The following ZNF536 variants were observed in gnomAD, a reference collection of about 807,000 sequenced individuals.
The protein encoded by ZNF536 is zinc finger protein 536.
A neutral mutation model predicts 84.5 loss-of-function variants in ZNF536; 13 were observed. That is an observed-to-expected ratio of 0.15 (90% CI 0.10 to 0.24). The LOEUF is 0.24. ZNF536 is among the 10% of genes least tolerant of loss of function. The pLI, the probability that ZNF536 is intolerant of heterozygous loss-of-function variation, is 1.00. For synonymous variants in ZNF536, 811 were observed against 742.5 expected (o/e 1.09, Z -1.50); for missense variants, 1,536 against 1,747.5 (o/e 0.88, Z 2.16).
At chr19:30,533,951 C>T (rs1371140090) in intron 2 of ZNF536, among the ~76,000 whole-genome samples, 2 of 152,222 alleles carry the variant, frequency 1.3e-5, no homozygotes, top group African/African-American at 2.4e-5. Context: ...TGTCAGGCCT[C>T]GGGGGCTGCA....
chr19:30,649,408 C>T (rs2049610936), intron 1 of ZNF536, among the ~76,000 whole-genome samples: 1 of 152,122 alleles, frequency 6.6e-6, no homozygotes, highest in Non-Finnish European at 1.5e-5. Context: ...TATGTGTAAA[C>T]TGATACGCTT....
chr19:30,322,243 A>G (rs2046881575), intron 2 of ZNF536, among the ~76,000 whole-genome samples: 1 of 152,234 alleles, frequency 6.6e-6, no homozygotes, highest in East Asian at 1.9e-4. Context: ...TAGATGTGCC[A>G]TAATTTATAT....
chr19:30,480,145 C>T (rs751972195), intron 2 of ZNF536, among the ~76,000 whole-genome samples: 5 of 152,198 alleles, frequency 3.3e-5, no homozygotes, highest in African/African-American at 4.8e-5. Context: ...CAAGCTCTCC[C>T]GGTTCCATGG....
chr19:30,328,930 T>C lies in ZNF536; in HGVS notation c.-119-23438T>C, dbSNP rs527773935. 3.3e-5 allele frequency among the ~76,000 whole-genome samples: 5 copies of C among 152,266 alleles called. No individual in the cohort carries two copies. In the East Asian group the frequency reaches 9.7e-4, roughly 29 times the overall value. ...TCTCTCACTTTTCTACTCCTCCCTT[T>C]CCCCCTGCAACAATAGAATTTTGCG... On this transcript the variant is annotated intron_variant, in intron 2 of 5. Coordinates refer to the ZNF536 transcript ENST00000585628.
intron 1 of ZNF536, among the ~76,000 whole-genome samples, chr19:30,680,858 C>T (rs1014104898): frequency 2.6e-5 from 4 of 152,144 alleles, no homozygotes; most frequent in Non-Finnish European, 4.4e-5. Flanking sequence ...AACTAGTTTA[C>T]AGTCCCACCA....
intron 1 of ZNF536, among the ~76,000 whole-genome samples, chr19:30,608,978 G>T (rs982841562): frequency 5.9e-5 from 9 of 152,174 alleles, no homozygotes; most frequent in African/African-American, 1.9e-4. Flanking sequence ...AGAAGTCCAG[G>T]TGACAAAAGG....
intron 1 of ZNF536, among the ~76,000 whole-genome samples, chr19:30,405,280 A>G (rs1189707683): frequency 2.0e-5 from 3 of 152,224 alleles, no homozygotes; most frequent in African/African-American, 7.2e-5. Flanking sequence ...AGGTGAAAGG[A>G]GGTCAGAAAA....
In ZNF536 at chr19:30,549,116, C is replaced by T. The variant is rs2045674265; in HGVS notation, c.3497C>T (p.Ser1166Phe). 1 of 1,613,998 alleles carries T rather than the reference C, an allele frequency of 6.2e-7. No individual in the cohort carries two copies. Among genetic ancestry groups the T allele is most frequent in the African/African-American group, 1.3e-5 (1 of 74,914 alleles). The change falls in exon 4 of 5, where the codon TCC becomes TTC. Residue 1166 changes from serine to phenylalanine, a missense_variant. Ser to Phe is a radical substitution (Grantham distance 155). Coordinates refer to ENST00000355537, the MANE Select transcript of ZNF536 (RefSeq NM_014717.3). ...NTTDDLSDIA[S>F]SEDMDSSKGE... ...ACTGATGACCTCTCTGACATTGCCT[C>T]CTCAGAGGACATGGACTCCTCCAAG...
intron 1 of ZNF536, among the ~76,000 whole-genome samples, chr19:30,682,156 G>A (rs1224081195): frequency 1.3e-5 from 2 of 152,050 alleles, no homozygotes; most frequent in African/African-American, 2.4e-5. Context: ...CCAAACCAAG[G>A]AGCTCACTGG....
At chr19:30,271,458 C>T (rs73023636) in intron 1 of ZNF536, among the ~76,000 whole-genome samples, 1 of 152,150 alleles carries the variant, frequency 6.6e-6, no homozygotes, top group Non-Finnish European at 1.5e-5. Context: ...TTTCTCATCC[C>T]TTCTCCAGAA....
intron 2 of ZNF536, among the ~76,000 whole-genome samples, chr19:30,315,192 A>G (rs1453670572): frequency 6.6e-6 from 1 of 152,230 alleles, no homozygotes; most frequent in Non-Finnish European, 1.5e-5. Context: ...CTCAACAAAT[A>G]TGCATTGATG....
intron 1 of ZNF536, among the ~76,000 whole-genome samples, chr19:30,629,358 C>T (rs1198657203): frequency 6.6e-6 from 1 of 152,054 alleles, no homozygotes; most frequent in Non-Finnish European, 1.5e-5. Context: ...TATCACCGTG[C>T]CTTTCCAATT....
Position 30,646,686 on chromosome 19 carries a change from G to A in ZNF536, c.170-64071G>A, listed in dbSNP as rs369014906. On this transcript the variant is annotated intron_variant, in intron 1 of 1. Transcript: ENST00000592773. ...AATTAGTGGCTCTGCCCCCCTTTTG[G>A]TCGCAGTCTCGTAGTATTTGAGGGA... Among the ~76,000 whole-genome samples, 60 of 152,200 alleles carry A rather than the reference G, an allele frequency of 3.9e-4. No individual in the cohort carries two copies. In the South Asian group the frequency reaches 0.012, roughly 31 times the overall value.
chr19:30,457,057 CA>C (rs915135987), intron 2 of ZNF536, among the ~76,000 whole-genome samples: 28 of 131,578 alleles, frequency 2.1e-4, no homozygotes, highest in Non-Finnish European at 4.2e-4. Context: ...AAAAAAAAAA[CA>C]AAAAAAAAGA....
chr19:30,405,433 A>C (rs1213893484), intron 1 of ZNF536, among the ~76,000 whole-genome samples: 1 of 152,136 alleles, frequency 6.6e-6, no homozygotes, highest in African/African-American at 2.4e-5. Context: ...TACTTCCTGA[A>C]CTTGGGGTCT....
chr19:30,573,711 G>A (rs775190185), intron 1 of ZNF536, among the ~76,000 whole-genome samples: 17 of 152,172 alleles, frequency 1.1e-4, no homozygotes, highest in Non-Finnish European at 2.4e-4. Context: ...GAGCTCGTCA[G>A]GACTTTTGAT....
intron 2 of ZNF536, among the ~76,000 whole-genome samples, chr19:30,490,387 G>A (rs2054461611): frequency 6.6e-6 from 1 of 152,144 alleles, no homozygotes; most frequent in African/African-American, 2.4e-5. Flanking sequence ...TTCATCTCCA[G>A]GAGGGGGTTG....
intron 1 of ZNF536, among the ~76,000 whole-genome samples, chr19:30,699,914 C>A (rs1283911749): frequency 6.6e-6 from 1 of 152,210 alleles, no homozygotes; most frequent in Non-Finnish European, 1.5e-5. Flanking sequence ...CCAGTGGATT[C>A]CCCCCAGGCC....
intron 2 of ZNF536, among the ~76,000 whole-genome samples, chr19:30,504,478 C>G (rs867586462): frequency 1.9e-4 from 27 of 140,386 alleles, no homozygotes; most frequent in Admixed American, 2.8e-4. Context: ...CTCCCATCCT[C>G]TCTCCCTTCC....
Sources: allele counts gnomAD v4.1 joint callset (sites outside exome capture counted in the v4.1 genomes callset), GRCh38; gene constraint gnomAD v4.1.1; transcripts MANE v1.5; gene names NCBI Gene and HGNC (gene_info 2026-07-23, HGNC 2026-07-21).